PLD1: variants seen among roughly 807,000 people sequenced by gnomAD.
PLD1 encodes the protein phospholipase D1, also known as choline phosphatase 1.
PLD1 carries 112 observed loss-of-function variants against 137.1 expected under a neutral mutation model. That is an observed-to-expected ratio of 0.82 (90% CI 0.70 to 0.96). The LOEUF (loss-of-function observed/expected upper bound fraction) is 0.96. Among genes scored for constraint, PLD1 ranks in the 40% least tolerant of loss-of-function variants. The pLI is 0.00. For synonymous variants in PLD1, 431 were observed against 454.7 expected, an observed-to-expected ratio of 0.95 and a Z score of 0.66; for missense variants, 1,321 against 1,342.0, an observed-to-expected ratio of 0.98 and a Z score of 0.24.
chr3:171,742,203 C>T (rs1390362152), intron 1 of PLD1, among the ~76,000 whole-genome samples: 1 of 152,062 alleles, frequency 6.6e-6, no homozygotes, highest in Non-Finnish European at 1.5e-5. Flanking sequence ...CACTGGGAGA[C>T]TTTTACAATT....
intron 1 of PLD1, among the ~76,000 whole-genome samples, chr3:171,795,589 C>G (rs926975056): frequency 1.3e-5 from 2 of 152,148 alleles, no homozygotes; most frequent in Admixed American, 1.3e-4. Context: ...AGGGTGGGTC[C>G]AGGCTCCTTA....
At chr3:171,605,014 T>G (rs1470111510) in intron 26 of PLD1, among the ~76,000 whole-genome samples, 1 of 152,224 alleles carries the variant, frequency 6.6e-6, no homozygotes, top group Non-Finnish European at 1.5e-5. Flanking sequence ...ACTAGACATG[T>G]ACAAAGGCTG....
chr3:171,704,342 G>A (rs1403322318), intron 11 of PLD1, among the ~76,000 whole-genome samples: 1 of 151,222 alleles, frequency 6.6e-6, no homozygotes, highest in Non-Finnish European at 1.5e-5. Context: ...TAAATTGCCT[G>A]CTAAAACAAA....
intron 6 of PLD1, among the ~76,000 whole-genome samples, chr3:171,728,822 A>G (rs1478910931): frequency 6.6e-6 from 1 of 152,222 alleles, no homozygotes; most frequent in Admixed American, 6.5e-5. Flanking sequence ...ACACATTAAT[A>G]ATGTAGAAAA....
chr3:171,697,864 C>T (rs990861190), intron 12 of PLD1, among the ~76,000 whole-genome samples: 15 of 152,150 alleles, frequency 9.9e-5, no homozygotes, highest in Non-Finnish European at 1.5e-4. Context: ...TTTATAAGCT[C>T]CTTCAACTTA....
intron 1 of PLD1, among the ~76,000 whole-genome samples, chr3:171,774,979 C>G (rs1722538857): frequency 6.6e-6 from 1 of 152,116 alleles, no homozygotes; most frequent in South Asian, 2.1e-4. Flanking sequence ...GTCACTGACA[C>G]TGAAGGAGCA....
chr3:171,788,522 T>A, intron 1 of PLD1: 1 of 152,182 alleles, frequency 6.6e-6, no homozygotes, highest in East Asian at 1.9e-4. Context: ...ATATCCCGTC[T>A]CTCTATTAGC....
intron 20 of PLD1, 54 bp downstream of exon 20, chr3:171,662,006 A>T: frequency 1.0e-6 from 1 of 969,360 alleles, no homozygotes; most frequent in Non-Finnish European, 1.6e-6. Flanking sequence ...AAATCTCTGC[A>T]TGATATTTAA....
chr3:171,713,808 A>G, intron 9 of PLD1, 85 bp downstream of exon 9: 1 of 1,195,386 alleles, frequency 8.4e-7, no homozygotes, highest in Non-Finnish European at 1.2e-6. Flanking sequence ...AACACTTTTT[A>G]AACTCCTTTT....
At chr3:171,760,850 G>A (rs906417662) in intron 1 of PLD1, among the ~76,000 whole-genome samples, 2 of 152,216 alleles carry the variant, frequency 1.3e-5, no homozygotes, top group African/African-American at 4.8e-5. Flanking sequence ...CGTATTAAAA[G>A]CTAGTAACAA....
chr3:171,801,018 A>T (rs1231935253), intron 1 of PLD1, among the ~76,000 whole-genome samples: 2 of 152,228 alleles, frequency 1.3e-5, no homozygotes, highest in African/African-American at 4.8e-5. Context: ...CTGCCCTGAA[A>T]CAAAGCAGTT....
chr3:171,777,743 G>A (rs1200978661), intron 1 of PLD1, among the ~76,000 whole-genome samples: 1 of 152,052 alleles, frequency 6.6e-6, no homozygotes, highest in Non-Finnish European at 1.5e-5. Flanking sequence ...GCATTTCAAG[G>A]GGCGGCCCAA....
intron 12 of PLD1, among the ~76,000 whole-genome samples, chr3:171,697,046 G>A (rs1314307962): frequency 1.3e-5 from 2 of 152,102 alleles, no homozygotes; most frequent in Admixed American, 6.5e-5. Flanking sequence ...GTAAACAAGC[G>A]CATGCCAGCA....
At position 171,808,602 on chromosome 3, in the gene PLD1, T is replaced by C. The variant is rs539951484; in HGVS notation, c.-32+1797A>G. Among the ~76,000 whole-genome samples, 4 of 140,600 alleles carry C rather than the reference T, an allele frequency of 2.8e-5. No individual in the cohort carries two copies. In the East Asian group the frequency reaches 8.1e-4, roughly 29 times the overall value. 92.2% of individuals were successfully genotyped at this position (140,600 alleles called of 152,430 possible). On this transcript the variant is annotated intron_variant, in intron 1 of 26. Transcript: ENST00000351298. The stretch of plus-strand genomic sequence containing the variant: ...CTTTGTAACAAAAATAAAAGTTACC[T>C]ATAAGAGTTAAAGGTAAATAAAATT...
intron 1 of PLD1, among the ~76,000 whole-genome samples, chr3:171,746,056 C>A (rs1373165506): frequency 1.3e-5 from 2 of 152,200 alleles, no homozygotes; most frequent in Non-Finnish European, 2.9e-5. Context: ...TACGCCGGGT[C>A]CCCCAGCACT....
At chr3:171,642,972 A>G (rs2108374606) in intron 22 of PLD1, 83 bp from the exon 23 acceptor site, 1 of 756,270 alleles carries the variant, frequency 1.3e-6, no homozygotes, top group East Asian at 2.6e-5. Context: ...TAATCCTAAC[A>G]CAAGTAAAAA....
intron 16 of PLD1, among the ~76,000 whole-genome samples, chr3:171,683,659 G>A (rs76049912): frequency 7.5e-4 from 114 of 152,186 alleles, no homozygotes; most frequent in East Asian, 1.5e-3. Context: ...TCTTCCTCCC[G>A]GATCATGCTC....
At chr3:171,626,575 G>T (rs1265573872) in intron 23 of PLD1, among the ~76,000 whole-genome samples, 5 of 152,102 alleles carry the variant, frequency 3.3e-5, no homozygotes, top group Admixed American at 6.5e-5. Context: ...TTGAAATGAA[G>T]GAAAAAATGT....
At chr3:171,697,020 A>G (rs1428151723) in intron 12 of PLD1, among the ~76,000 whole-genome samples, 1 of 152,194 alleles carries the variant, frequency 6.6e-6, no homozygotes, top group East Asian at 1.9e-4. Flanking sequence ...GTAACCAGAC[A>G]GGTATGCCAA....
Sources: gnomAD v4.1 joint callset for allele counts (sites outside exome capture counted in the v4.1 genomes callset) on GRCh38, gnomAD v4.1.1 for gene constraint, MANE v1.5 for transcripts, NCBI Gene and HGNC (gene_info 2026-07-23, HGNC 2026-07-21) for gene names.